The following REPS1 variants were observed in gnomAD, a reference collection of about 807,000 sequenced individuals.
REPS1 encodes the protein ralBP1-associated Eps domain-containing protein 1.
REPS1 carries 39 observed loss-of-function variants against 100.9 expected under a neutral mutation model. The observed-to-expected ratio is 0.39, with a 90% CI of 0.30 to 0.50. The LOEUF (loss-of-function observed/expected upper bound fraction) is 0.50. Ranked by LOEUF, REPS1 falls within the 20% of genes least tolerant of loss-of-function variation. REPS1 has a pLI of 0.86. For missense variants in REPS1, 821 were observed against 968.5 expected (o/e 0.85, Z 2.02); for synonymous variants, 324 against 340.3 (o/e 0.95, Z 0.53).
chr6:138,914,784 C>T, intron 14 of REPS1, 23 bp from the exon 15 acceptor site: 1 of 1,600,194 alleles, frequency 6.2e-7, no homozygotes. Flanking sequence ...AAAAGTTCTT[C>T]TTTTTAGTAA....
chr6:138,920,193 G>A, intron 12 of REPS1, 22 bp downstream of exon 12: 1 of 1,214,596 alleles, frequency 8.2e-7, no homozygotes, highest in Non-Finnish European at 1.2e-6. Flanking sequence ...ACTTCAAATG[G>A]AAGATGTAAT....
intron 1 of REPS1, among the ~76,000 whole-genome samples, chr6:138,977,281 A>G (rs1009843247): frequency 2.6e-5 from 4 of 152,202 alleles, no homozygotes; most frequent in Admixed American, 1.3e-4. Flanking sequence ...TTTTGTAGAC[A>G]GTCCATATAA....
At position 138,911,431 on chromosome 6, in the gene REPS1, T is replaced by C. The variant is rs57382411; in HGVS notation, c.1972-60A>G. On this transcript the variant is annotated intron_variant, in intron 16 of 19. Transcript: ENST00000450536. ...CATAACATGTAATTATGCATAAATA[T>C]AGAATATGTACCAAATCAGAATAAA... The C allele has an allele frequency of 5.3e-4, 557 of 1,050,158 alleles. 5 individuals are homozygous for C. In the African/African-American group the frequency reaches 7.6e-3, roughly 14 times the overall value. The allele number at this position is 1,050,158 out of a possible 1,614,324, so 65.1% of individuals were successfully genotyped here. A position where few individuals can be genotyped will look rare whatever the true frequency, so the allele number is the denominator to read the frequency against.
chr6:138,938,925 G>GC (rs1189290192), intron 8 of REPS1, among the ~76,000 whole-genome samples: 4 of 151,060 alleles, frequency 2.6e-5, no homozygotes, highest in African/African-American at 9.8e-5. Context: ...TCGGCTCACT[G>GC]CAACCTCCGC....
In REPS1 at chr6:138,904,130, C is replaced by G. The variant is rs544643582; in HGVS notation, c.*934G>C. ...ACAGAATAAATCTTAAAGGGAATAT[C>G]TGCTGTTAGCAATGGATCGAAATGT... On this transcript the variant is annotated 3_prime_UTR_variant, in exon 20 of 20. Transcript: ENST00000450536. The G allele has an allele frequency of 2.6e-5, 4 of 152,208 alleles. No homozygotes were observed. The highest frequency in any genetic ancestry group is 2.0e-4 in the Admixed American group (3 of 15,300). The allele number at this position is 152,208 out of a possible 1,614,324, so 9.4% of individuals were successfully genotyped here.
At chr6:138,932,233 A>G (rs928590124) in intron 8 of REPS1, among the ~76,000 whole-genome samples, 1 of 152,174 alleles carries the variant, frequency 6.6e-6, no homozygotes, top group Non-Finnish European at 1.5e-5. Flanking sequence ...TCACCCAAAT[A>G]ATTATACTTT....
At chr6:138,981,374 G>C (rs924764198) in intron 1 of REPS1, among the ~76,000 whole-genome samples, 1 of 152,174 alleles carries the variant, frequency 6.6e-6, no homozygotes. Flanking sequence ...TTCTTACACA[G>C]AGGGAAAAGA....
At chr6:138,978,423 C>T (rs1302795645) in intron 1 of REPS1, among the ~76,000 whole-genome samples, 2 of 151,768 alleles carry the variant, frequency 1.3e-5, no homozygotes, top group East Asian at 3.9e-4. Flanking sequence ...CCTGCCTCAG[C>T]CTCCCAAGTA....
Position 138,947,907 on chromosome 6 carries a change from C to A in REPS1, c.160G>T (p.Glu54Ter). 1 of 1,590,376 alleles carries A rather than the reference C, an allele frequency of 6.3e-7. No homozygotes were observed. The highest frequency in any genetic ancestry group is 1.2e-5 in the South Asian group (1 of 86,272). The change falls in exon 2 of 20, where the codon GAG becomes TAG. Residue 54 changes from glutamate (E) to a stop codon, truncating the protein, a stop_gained. Transcript: ENST00000450536. LOFTEE classifies it high-confidence loss of function. ...CCAAGTCTTGTTGCACCACAAAGCT[C>A]CATGATCTATAAAATAACATAATGT... ...LPNDVVLQIM[E>*]LCGATRLGYF...
rs148540130 is a variant in REPS1 at position 138,978,660 on chromosome 6, T to C, written c.153+8870A>G. Among the ~76,000 whole-genome samples, 11 of 152,280 alleles carry C rather than the reference T, an allele frequency of 7.2e-5. No homozygotes were observed. The East Asian group carries it at 2.1e-3, about 29-fold the overall frequency. ...ATCTTGGTGACTCTTTTCTTAAGTT[T>C]ATTCCCAAGTATGTTAGGCCTCTTT... On this transcript the variant is annotated intron_variant, in intron 1 of 19. Transcript: ENST00000450536.
intron 8 of REPS1, among the ~76,000 whole-genome samples, chr6:138,937,792 T>C (rs977457244): frequency 3.3e-5 from 5 of 152,224 alleles, no homozygotes; most frequent in African/African-American, 1.2e-4. Flanking sequence ...TGTCTATTCC[T>C]GTACTCAATT....
intron 8 of REPS1, among the ~76,000 whole-genome samples, chr6:138,932,449 T>A (rs992655298): frequency 7.1e-6 from 1 of 140,310 alleles, no homozygotes; most frequent in Non-Finnish European, 1.5e-5. Context: ...TTACAGTTAT[T>A]GTATTCCTTA....
chr6:138,934,434 C>T, intron 8 of REPS1: 4 of 433,156 alleles, frequency 9.2e-6, no homozygotes, highest in Non-Finnish European at 1.5e-5. Flanking sequence ...AGAGACAACC[C>T]AGTATGATCA....
rs368845568 is a variant in REPS1 at position 138,953,591 on chromosome 6, G to C, written c.154-5678C>G. 2.0e-5 allele frequency among the ~76,000 whole-genome samples: 3 copies of C among 150,062 alleles called. 1 individual carries two copies. ...TCATATGCATGGTCAACAAATACAT[G>C]AAAAACTGCTCATCACTATTAATCA... On this transcript the variant is annotated intron_variant, in intron 1 of 19. Coordinates refer to ENST00000450536, the MANE Select transcript of REPS1 (RefSeq NM_001286611.2).
intron 8 of REPS1, 90 bp from the exon 9 acceptor site, chr6:138,930,188 G>T: frequency 9.6e-7 from 1 of 1,045,650 alleles, no homozygotes; most frequent in African/African-American, 1.6e-5. Flanking sequence ...GCCAACCGAT[G>T]ATTTTCATAA....
At chr6:138,936,140 A>G (rs1324451201) in intron 8 of REPS1, among the ~76,000 whole-genome samples, 1 of 152,148 alleles carries the variant, frequency 6.6e-6, no homozygotes, top group Non-Finnish European at 1.5e-5. Context: ...AAAAATAATT[A>G]TGAGTATCAT....
At chr6:138,968,356 C>T (rs543518087) in intron 1 of REPS1, among the ~76,000 whole-genome samples, 10 of 152,200 alleles carry the variant, frequency 6.6e-5, no homozygotes, top group Non-Finnish European at 1.5e-4. Flanking sequence ...TAATACAATC[C>T]TCAAAAATGA....
At chr6:138,984,448 T>A in intron 1 of REPS1, among the ~76,000 whole-genome samples, 1 of 152,154 alleles carries the variant, frequency 6.6e-6, no homozygotes, top group East Asian at 1.9e-4. Flanking sequence ...GTCTCAGCAC[T>A]ATTGACATCT....
chr6:138,966,925 G>A (rs768018741), intron 1 of REPS1, among the ~76,000 whole-genome samples: 58 of 152,168 alleles, frequency 3.8e-4, no homozygotes, highest in Non-Finnish European at 7.4e-4. Flanking sequence ...TTGAAGATAC[G>A]CTTTAAACCA....
Sources: allele counts gnomAD v4.1 joint callset (sites outside exome capture counted in the v4.1 genomes callset), GRCh38; gene constraint gnomAD v4.1.1; transcripts MANE v1.5; gene names NCBI Gene and HGNC (gene_info 2026-07-23, HGNC 2026-07-21).